The following PDSS2 variants were observed in gnomAD, a reference collection of about 807,000 sequenced individuals.
PDSS2 encodes all trans-polyprenyl-diphosphate synthase PDSS2.
Under a neutral mutation model 44.5 loss-of-function variants are expected in PDSS2, and 31 were observed. That is an observed-to-expected ratio of 0.70 (90% CI 0.52 to 0.94). The LOEUF is 0.94. Among genes scored for constraint, PDSS2 ranks in the 40% least tolerant of loss-of-function variants. The probability of loss-of-function intolerance (pLI) is 0.00; values close to 1 mark genes in which losing one functional copy is unlikely to be tolerated. For synonymous variants in PDSS2, 157 were observed against 180.3 expected (o/e 0.87, Z 1.03); for missense variants, 452 against 482.2 (o/e 0.94, Z 0.59).
At chr6:107,428,685 T>A (rs1047365889) in intron 1 of PDSS2, among the ~76,000 whole-genome samples, 10 of 152,100 alleles carry the variant, frequency 6.6e-5, no homozygotes, top group Admixed American at 2.0e-4. Context: ...AATTTTTTTT[T>A]AATTATCTGG....
At chr6:107,428,986 A>C (rs1781088328) in intron 1 of PDSS2, among the ~76,000 whole-genome samples, 1 of 152,240 alleles carries the variant, frequency 6.6e-6, no homozygotes. Flanking sequence ...GGAATGGAGA[A>C]CATATGCCCA....
intron 1 of PDSS2, among the ~76,000 whole-genome samples, chr6:107,363,748 G>C (rs1212068430): frequency 6.6e-6 from 1 of 152,186 alleles, no homozygotes; most frequent in Non-Finnish European, 1.5e-5. Flanking sequence ...GTAGAGCCGA[G>C]TGGCCTGTTT....
chr6:107,438,842 T>C lies in PDSS2; in HGVS notation c.296+20148A>G, dbSNP rs538674812. ...ATTGACAATTTATGAGGCTCATGTA[T>C]AGGAGATGAAGTTCTAATTCAACCT... On this transcript the variant is annotated intron_variant, in intron 1 of 7. Coordinates refer to ENST00000369037, the MANE Select transcript of PDSS2 (RefSeq NM_020381.4). Among the ~76,000 whole-genome samples, 4 of 152,254 alleles carry C rather than the reference T, an allele frequency of 2.6e-5. No individual in the cohort carries two copies. In the East Asian group the frequency reaches 5.8e-4, roughly 22 times the overall value.
chr6:107,369,215 C>G (rs1211420031), intron 1 of PDSS2, among the ~76,000 whole-genome samples: 1 of 152,024 alleles, frequency 6.6e-6, no homozygotes, highest in East Asian at 1.9e-4. Context: ...GTCAGGAGTT[C>G]GAGACTAGCC....
At chr6:107,422,746 C>T (rs1394626818) in intron 1 of PDSS2, among the ~76,000 whole-genome samples, 2 of 151,916 alleles carry the variant, frequency 1.3e-5, no homozygotes, top group Non-Finnish European at 2.9e-5. Context: ...AGGCTATACA[C>T]CAAAATATTA....
rs1554279698 is a variant in PDSS2, at chr6:107,424,059, T to TC, written c.296+34930_296+34931insG. Among the ~76,000 whole-genome samples the TC allele has an allele frequency of 2.1e-5, 3 of 143,476 alleles. 1 individual carries two copies. The highest frequency in any genetic ancestry group is 2.3e-4 in the South Asian group (1 of 4,362). The allele number at this position is 143,476 out of a possible 152,430, so 94.1% of individuals were successfully genotyped here. A position where few individuals can be genotyped will look rare whatever the true frequency, so the allele number is the denominator to read the frequency against. ...ATCTTTTTTTTTTTTTTTTTTTTTT[T>TC]GGGACAGGGTCTCACTCTGTCACCC... On this transcript the variant is annotated intron_variant, in intron 1 of 7. Coordinates refer to ENST00000369037, the MANE Select transcript of PDSS2 (RefSeq NM_020381.4).
rs1562557322 is a variant in PDSS2 at position 107,459,475 on chromosome 6, AAAC to A, written c.-193_-191del. The A allele has an allele frequency of 3.3e-6, 2 of 609,110 alleles. No homozygotes were observed. Among genetic ancestry groups the A allele is most frequent in the Non-Finnish European group, 5.8e-6 (2 of 343,424 alleles). 37.7% of individuals were successfully genotyped at this position (609,110 alleles called of 1,614,324 possible). On this transcript the variant is annotated 5_prime_UTR_variant, in exon 1 of 8. Transcript: ENST00000369037. This position sits in a 1 kb window ranked among gnomAD's most constrained non-coding sequence, Gnocchi z 4.3. Reference sequence around the variant, plus strand: ...CTGCTTTCTGCAGCCCAGGCTGGGCAAACAACAGTCCCAGCTCAGCACTGCCCC... The same window carrying A: ...CTGCTTTCTGCAGCCCAGGCTGGGCAAACAGTCCCAGCTCAGCACTGCCCC...
chr6:107,165,598 T>G (rs1771314521), intron 7 of PDSS2, among the ~76,000 whole-genome samples: 1 of 152,212 alleles, frequency 6.6e-6, no homozygotes, highest in African/African-American at 2.4e-5. Context: ...TCAGGTAGCA[T>G]GATGCCTCCA....
At chr6:107,303,416 T>C (rs180688589) in intron 2 of PDSS2, among the ~76,000 whole-genome samples, 2 of 152,340 alleles carry the variant, frequency 1.3e-5, no homozygotes, top group Non-Finnish European at 2.9e-5. Context: ...CCTTCCACTC[T>C]ACTTCCTTCC....
intron 1 of PDSS2, among the ~76,000 whole-genome samples, chr6:107,428,299 T>C (rs1026959935): frequency 1.3e-5 from 2 of 152,244 alleles, no homozygotes; most frequent in African/African-American, 4.8e-5. Flanking sequence ...CAGCACTTGC[T>C]ACAATTTAAG....
intron 1 of PDSS2, among the ~76,000 whole-genome samples, chr6:107,417,885 G>T (rs186294542): frequency 5.1e-4 from 78 of 151,556 alleles, no homozygotes; most frequent in African/African-American, 1.8e-3. Flanking sequence ...CAGGGTAAAG[G>T]TATGTGTAAT....
intron 2 of PDSS2, among the ~76,000 whole-genome samples, chr6:107,307,804 T>C (rs1776911034): frequency 6.6e-6 from 1 of 152,212 alleles, no homozygotes; most frequent in Non-Finnish European, 1.5e-5. Flanking sequence ...TTTACCACTC[T>C]GCATTCTTAG....
intron 2 of PDSS2, among the ~76,000 whole-genome samples, chr6:107,314,982 G>C (rs1243891418): frequency 6.6e-6 from 1 of 152,274 alleles, no homozygotes; most frequent in African/African-American, 2.4e-5. Context: ...GACATCAACT[G>C]ACAAAAGTCA....
intron 1 of PDSS2, among the ~76,000 whole-genome samples, chr6:107,383,913 A>C (rs1178576988): frequency 2.0e-5 from 3 of 152,266 alleles, no homozygotes; most frequent in Non-Finnish European, 2.9e-5. Context: ...ATTCTACTCT[A>C]CATATACACC....
At chr6:107,320,756 C>T (rs1314301567) in intron 2 of PDSS2, among the ~76,000 whole-genome samples, 1 of 152,162 alleles carries the variant, frequency 6.6e-6, no homozygotes, top group African/African-American at 2.4e-5. Flanking sequence ...AATAAATCAA[C>T]AATAATACAT....
intron 4 of PDSS2, among the ~76,000 whole-genome samples, chr6:107,221,342 GAAAAAAAAAA>G (rs59605783): frequency 1.3e-4 from 9 of 70,224 alleles, no homozygotes; most frequent in African/African-American, 4.6e-4. Context: ...ACTCCGTCTC[GAAAAAAAAAA>G]AAAAAAAAAA....
intron 6 of PDSS2, among the ~76,000 whole-genome samples, chr6:107,195,481 CAAAA>C (rs762125818): frequency 2.3e-5 from 2 of 87,858 alleles, no homozygotes; most frequent in African/African-American, 4.2e-5. Context: ...GATCCTGTCT[CAAAA>C]AAAAAAAAAA....
At chr6:107,435,868 C>G (rs1030892187) in intron 1 of PDSS2, among the ~76,000 whole-genome samples, 2 of 151,826 alleles carry the variant, frequency 1.3e-5, no homozygotes, top group African/African-American at 4.8e-5. Flanking sequence ...AAATAATATT[C>G]CAAGGAGACT....
chr6:107,159,292 AGGAG>A lies in PDSS2; in HGVS notation c.1042-4519_1042-4516del, dbSNP rs572473633. The stretch of plus-strand genomic sequence containing the variant: ...CAGTCTTAAGGGAAGGAAGGAAGGA[AGGAG>A]GGAGGGAGGGAGGCGGAAGGGAGGG... On this transcript the variant is annotated intron_variant, in intron 7 of 7. Coordinates refer to ENST00000369037, the MANE Select transcript of PDSS2 (RefSeq NM_020381.4). 6.7e-3 allele frequency among the ~76,000 whole-genome samples: 824 copies of A among 123,808 alleles called. 9 individuals carry two copies. The highest frequency in any genetic ancestry group is 0.024 in the African/African-American group (795 of 32,858). The allele number at this position is 123,808 out of a possible 152,430, so 81.2% of individuals were successfully genotyped here. A position where few individuals can be genotyped will look rare whatever the true frequency, so the allele number is the denominator to read the frequency against.
Sources: allele counts gnomAD v4.1 joint callset (sites outside exome capture counted in the v4.1 genomes callset), GRCh38; gene constraint gnomAD v4.1.1; non-coding constraint Gnocchi (gnomAD v3.1); transcripts MANE v1.5; gene names NCBI Gene and HGNC (gene_info 2026-07-23, HGNC 2026-07-21).